The following CUL3 variants were observed in gnomAD, a reference collection of about 807,000 sequenced individuals.
The protein encoded by CUL3 is cullin-3.
CUL3 carries 19 observed loss-of-function variants against 89.1 expected under a neutral mutation model. That is an observed-to-expected ratio of 0.21 (90% CI 0.15 to 0.31). The LOEUF (loss-of-function observed/expected upper bound fraction) is 0.31. Among genes scored for constraint, CUL3 ranks in the 10% least tolerant of loss-of-function variants. CUL3 has a pLI of 1.00. For missense variants in CUL3, 469 were observed against 942.3 expected (o/e 0.50, Z 6.58); for synonymous variants, 351 against 308.4 (o/e 1.14, Z -1.45).
In CUL3 at chr2:224,492,527, C is replaced by CATG. The variant is rs1692025547; in HGVS notation, c.1842+3304_1842+3305insCAT. Reference sequence around the variant, plus strand: ...TATGTATTAATAGTTCTTATCCATACCTCTTTCAAAAACCCACTGCTAATT... The same window carrying CATG: ...TATGTATTAATAGTTCTTATCCATACATGCTCTTTCAAAAACCCACTGCTAATT... On this transcript the variant is annotated intron_variant, in intron 13 of 15. Coordinates refer to ENST00000264414, the MANE Select transcript of CUL3 (RefSeq NM_003590.5). Among the ~76,000 whole-genome samples, 5 of 152,234 alleles carry CATG rather than the reference C, an allele frequency of 3.3e-5. No homozygotes were observed. In the South Asian group the frequency reaches 1.0e-3, roughly 32 times the overall value.
At chr2:224,583,516 A>G (rs1375067821) in intron 1 of CUL3, among the ~76,000 whole-genome samples, 1 of 152,234 alleles carries the variant, frequency 6.6e-6, no homozygotes, top group Non-Finnish European at 1.5e-5. Context: ...ACATACTAGT[A>G]AGCTTCGTTA....
At chr2:224,497,075 T>C (rs930940520) in intron 12 of CUL3, among the ~76,000 whole-genome samples, 1 of 152,186 alleles carries the variant, frequency 6.6e-6, no homozygotes, top group African/African-American at 2.4e-5. Flanking sequence ...TTAACAGTGA[T>C]TCATCATACC....
intron 3 of CUL3, among the ~76,000 whole-genome samples, chr2:224,519,711 A>G (rs1523918): frequency 0.49 from 74,256 of 151,972 alleles, 18,316 homozygotes; most frequent in East Asian, 0.59. Context: ...GTACAGATGC[A>G]TAACCCTTGA....
intron 2 of CUL3, among the ~76,000 whole-genome samples, chr2:224,551,544 T>C (rs1391778886): frequency 6.6e-6 from 1 of 151,030 alleles, no homozygotes; most frequent in Non-Finnish European, 1.5e-5. Flanking sequence ...GGTCTCACTA[T>C]GTTGCTCAGG....
At chr2:224,533,725 CTCATT>C (rs1463234183) in intron 3 of CUL3, among the ~76,000 whole-genome samples, 2 of 152,202 alleles carry the variant, frequency 1.3e-5, no homozygotes, top group Non-Finnish European at 2.9e-5. Flanking sequence ...CACATACCAT[CTCATT>C]TAACTTCAAA....
Position 224,549,079 on chromosome 2 carries a change from C to T in CUL3, c.264+8580G>A, listed in dbSNP as rs529695064. Among the ~76,000 whole-genome samples the T allele has an allele frequency of 3.3e-5, 5 of 152,180 alleles. No individual in the cohort carries two copies. The East Asian group carries it at 5.8e-4, about 18-fold the overall frequency. On this transcript the variant is annotated intron_variant, in intron 2 of 15. Transcript: ENST00000264414. ...CCTGTAATCCCAACACTTTGGGAGG[C>T]CAAGGCGGGTGGATCATTGATGCTA...
chr2:224,551,068 C>CTTT (rs771053112), intron 2 of CUL3, among the ~76,000 whole-genome samples: 1 of 141,336 alleles, frequency 7.1e-6, no homozygotes, highest in African/African-American at 2.6e-5. Context: ...TAGCCTCCAG[C>CTTT]TTTTTTTTTT....
chr2:224,489,854 T>C (rs973767678), intron 13 of CUL3, among the ~76,000 whole-genome samples: 36 of 152,126 alleles, frequency 2.4e-4, no homozygotes, highest in Non-Finnish European at 8.8e-5. Context: ...AATTGACAAA[T>C]GGGATCTAAT....
At chr2:224,541,313 C>T (rs893436371) in intron 2 of CUL3, among the ~76,000 whole-genome samples, 5 of 151,584 alleles carry the variant, frequency 3.3e-5, no homozygotes, top group Admixed American at 2.6e-4. Context: ...AGAGGATATA[C>T]AGATGGCAAT....
chr2:224,562,112 G>A (rs770457024), intron 1 of CUL3, among the ~76,000 whole-genome samples: 1 of 152,036 alleles, frequency 6.6e-6, no homozygotes, highest in Non-Finnish European at 1.5e-5. Context: ...AGAAGCTGAA[G>A]AATTTTAAAA....
chr2:224,516,709 T>C (rs6758222), intron 3 of CUL3, among the ~76,000 whole-genome samples: 113,667 of 151,808 alleles, frequency 0.75, 43,200 homozygotes, highest in African/African-American at 0.9. Flanking sequence ...TGCAGTGGTG[T>C]GATCTCGGCT....
At chr2:224,569,956 C>CA (rs71062948) in intron 1 of CUL3, 1,528 of 59,350 alleles carry the variant, frequency 0.026, 30 homozygotes, top group Non-Finnish European at 0.03. Flanking sequence ...GCTCCAGTCT[C>CA]AAAAAAAAAA....
chr2:224,483,469 C>G (rs189318462), intron 13 of CUL3, among the ~76,000 whole-genome samples: 1 of 152,188 alleles, frequency 6.6e-6, no homozygotes, highest in East Asian at 1.9e-4. Context: ...AGACATCTTT[C>G]TATTAGAGTT....
At chr2:224,527,644 C>G (rs1469899239) in intron 3 of CUL3, among the ~76,000 whole-genome samples, 2 of 152,200 alleles carry the variant, frequency 1.3e-5, no homozygotes, top group Non-Finnish European at 2.9e-5. Flanking sequence ...TGAACCTCAT[C>G]ATTAGAAGAC....
At chr2:224,545,101 T>C (rs1245146918) in intron 2 of CUL3, among the ~76,000 whole-genome samples, 1 of 152,150 alleles carries the variant, frequency 6.6e-6, no homozygotes, top group Non-Finnish European at 1.5e-5. Context: ...TTATAATACA[T>C]ATAGCAATCT....
intron 1 of CUL3, among the ~76,000 whole-genome samples, chr2:224,565,102 T>C (rs1029371699): frequency 1.3e-5 from 2 of 152,158 alleles, no homozygotes; most frequent in African/African-American, 4.8e-5. Context: ...CAAAATACTG[T>C]GTATAACTTT....
intron 1 of CUL3, among the ~76,000 whole-genome samples, chr2:224,571,245 A>G (rs1215829424): frequency 3.3e-5 from 5 of 152,182 alleles, no homozygotes; most frequent in Non-Finnish European, 5.9e-5. Flanking sequence ...CTATATTAAG[A>G]AAATTAGTGA....
intron 3 of CUL3, among the ~76,000 whole-genome samples, chr2:224,528,628 T>G (rs1469860696): frequency 6.6e-6 from 1 of 152,140 alleles, no homozygotes; most frequent in Non-Finnish European, 1.5e-5. Flanking sequence ...TCTACCTTAC[T>G]AAGGAGACTA....
chr2:224,474,672 A>G (rs1691252236), intron 15 of CUL3, among the ~76,000 whole-genome samples: 1 of 152,198 alleles, frequency 6.6e-6, no homozygotes, highest in African/African-American at 2.4e-5. Context: ...TGATGCTGTT[A>G]TCTACTGAAT....
Sources: gnomAD v4.1 joint callset for allele counts (sites outside exome capture counted in the v4.1 genomes callset) on GRCh38, gnomAD v4.1.1 for gene constraint, MANE v1.5 for transcripts, NCBI Gene and HGNC (gene_info 2026-07-23, HGNC 2026-07-21) for gene names.